CPEB4: variants seen among roughly 807,000 people sequenced by gnomAD.
CPEB4 encodes cytoplasmic polyadenylation element binding protein 4.
A neutral mutation model predicts 72.5 loss-of-function variants in CPEB4; 12 were observed. That is an observed-to-expected ratio of 0.17 (90% confidence interval 0.11 to 0.27). The LOEUF (loss-of-function observed/expected upper bound fraction) is 0.27. CPEB4 is among the 10% of genes least tolerant of loss of function. The pLI is 1.00. For missense variants in CPEB4, 614 were observed against 908.5 expected (o/e 0.68, Z 4.17); for synonymous variants, 302 against 326.3 (o/e 0.93, Z 0.80).
intron 3 of CPEB4, among the ~76,000 whole-genome samples, chr5:173,934,876 A>G (rs1054807243): frequency 3.3e-5 from 5 of 152,202 alleles, no homozygotes; most frequent in South Asian, 2.1e-4. Context: ...TGTTTGTGAA[A>G]TATCTTCTAG....
At position 173,956,687 on chromosome 5, in the gene CPEB4, C is replaced by T. The variant is rs1047895231; in HGVS notation, c.*550C>T. On this transcript the variant is annotated 3_prime_UTR_variant, in exon 10 of 10. Coordinates refer to ENST00000265085, the MANE Select transcript of CPEB4 (RefSeq NM_030627.4). ...TTTTAACAGCAATGGAGGAAGTTAA[C>T]AATTTTTAATGGAAAGAGCATGTTA... 2.6e-4 allele frequency: 37 copies of T among 143,544 alleles called. No individual in the cohort carries two copies. Among genetic ancestry groups the T allele is most frequent in the African/African-American group, 9.5e-4 (37 of 38,950 alleles). The allele number at this position is 143,544 out of a possible 1,614,324, so 8.9% of individuals were successfully genotyped here.
intron 3 of CPEB4, among the ~76,000 whole-genome samples, chr5:173,939,366 T>C (rs1234451865): frequency 6.6e-6 from 1 of 152,068 alleles, no homozygotes; most frequent in African/African-American, 2.4e-5. Flanking sequence ...CATACATACA[T>C]ACATACAAAT....
At chr5:173,919,537 T>C (rs996893412) in intron 2 of CPEB4, among the ~76,000 whole-genome samples, 1 of 152,210 alleles carries the variant, frequency 6.6e-6, no homozygotes. Flanking sequence ...TAAAATTCTA[T>C]AGAGGTGACT....
chr5:173,930,754 C>T (rs771846395), intron 2 of CPEB4, among the ~76,000 whole-genome samples: 11 of 151,772 alleles, frequency 7.2e-5, no homozygotes, highest in African/African-American at 1.9e-4. Flanking sequence ...TTTGGGAGGC[C>T]GAGACAGGTG....
intron 5 of CPEB4, among the ~76,000 whole-genome samples, chr5:173,946,543 A>T (rs1353717558): frequency 6.6e-6 from 1 of 152,188 alleles, no homozygotes; most frequent in East Asian, 1.9e-4. Flanking sequence ...GCATGGAGAA[A>T]ATGCAGATGG....
intron 9 of CPEB4, among the ~76,000 whole-genome samples, chr5:173,954,156 G>C (rs971861391): frequency 6.6e-6 from 1 of 152,110 alleles, no homozygotes; most frequent in African/African-American, 2.4e-5. Context: ...TGCTAAAATA[G>C]ATTGATTTTA....
chr5:173,932,736 C>T (rs1757491018), intron 3 of CPEB4, among the ~76,000 whole-genome samples: 2 of 152,158 alleles, frequency 1.3e-5, no homozygotes, highest in African/African-American at 2.4e-5. Flanking sequence ...GAATGAAAAT[C>T]CCATAATGAT....
At chr5:173,937,031 T>TTTTTTTTTTTTTTTA in intron 3 of CPEB4, among the ~76,000 whole-genome samples, 1 of 145,064 alleles carries the variant, frequency 6.9e-6, no homozygotes. Flanking sequence ...TTTTTTTTTT[T>TTTTTTTTTTTTTTTA]TTTTTTTTTT....
intron 1 of CPEB4, among the ~76,000 whole-genome samples, chr5:173,904,972 GATA>G (rs370259283): frequency 0.12 from 14,525 of 124,988 alleles, 1,328 homozygotes; most frequent in East Asian, 0.4. Flanking sequence ...CCCTGTCTCA[GATA>G]ATAATAATAA....
intron 2 of CPEB4, among the ~76,000 whole-genome samples, chr5:173,915,290 G>C (rs965250820): frequency 3.9e-5 from 6 of 151,960 alleles, no homozygotes; most frequent in Middle Eastern, 3.4e-3. Context: ...TTCATAATTC[G>C]TATTAGGTTT....
chr5:173,888,615 G>A lies in CPEB4; in HGVS notation c.-1119G>A, dbSNP rs1014482137. On this transcript the variant is annotated 5_prime_UTR_variant, in exon 1 of 10. Transcript: ENST00000265085. This position sits in a 1 kb window ranked among gnomAD's most constrained non-coding sequence, Gnocchi z 4.3. ...ATTATAGTTTAAAAAAAAATTCTGGGGGAAAAGAGAGAGAAAGCCGAGGGG... is the reference window on the plus strand; with the variant it reads ...ATTATAGTTTAAAAAAAAATTCTGGAGGAAAAGAGAGAGAAAGCCGAGGGG... 5.0e-5 allele frequency: 20 copies of A among 401,108 alleles called. No individual in the cohort carries two copies. Among genetic ancestry groups the A allele is most frequent in the Admixed American group, 4.8e-4 (11 of 22,736 alleles). 24.8% of individuals were successfully genotyped at this position (401,108 alleles called of 1,614,324 possible).
rs759323664 is a variant in CPEB4, at chr5:173,910,656, ATTAACTATTTAATC to A, written c.1207+54_1207+67del. 5 of 1,153,676 alleles carry A rather than the reference ATTAACTATTTAATC, an allele frequency of 4.3e-6. No homozygotes were observed. The Admixed American group carries it at 8.6e-5, about 20-fold the overall frequency. The allele number at this position is 1,153,676 out of a possible 1,614,324, so 71.5% of individuals were successfully genotyped here. On this transcript the variant is annotated intron_variant, in intron 2 of 9. Coordinates refer to ENST00000265085, the MANE Select transcript of CPEB4 (RefSeq NM_030627.4). ...TTTCAGACAATAGTTTTAAATGTGT[ATTAACTATTTAATC>A]TGATACACAGTATGGCAAATATTAT...
chr5:173,953,535 G>A (rs956100424), intron 9 of CPEB4: 16 of 396,682 alleles, frequency 4.0e-5, no homozygotes, highest in South Asian at 2.4e-4. Context: ...CAATCCATCC[G>A]TCCATTCATT....
At chr5:173,891,003 C>A in intron 1 of CPEB4, 145 bp downstream of exon 1, 1 of 811,864 alleles carries the variant, frequency 1.2e-6, no homozygotes, top group Non-Finnish European at 1.8e-6. Context: ...TTTATTTTAG[C>A]AGGAGTGTAA....
chr5:173,954,385 T>C (rs891499833), intron 9 of CPEB4, among the ~76,000 whole-genome samples: 1 of 152,152 alleles, frequency 6.6e-6, no homozygotes, highest in South Asian at 2.1e-4. Flanking sequence ...CCTACTTTGT[T>C]TGTTTGAGAT....
At position 173,957,535 on chromosome 5, in the gene CPEB4, C is replaced by T. The variant is rs900631817; in HGVS notation, c.*1398C>T. On this transcript the variant is annotated 3_prime_UTR_variant, in exon 10 of 10. Coordinates refer to ENST00000265085, the MANE Select transcript of CPEB4 (RefSeq NM_030627.4). ...TAAATAAAATTCTAGCTTTGAAAGGCGTTATGTGTTGAACAGTATGCTTCA... is the reference window on the plus strand; with the variant it reads ...TAAATAAAATTCTAGCTTTGAAAGGTGTTATGTGTTGAACAGTATGCTTCA... 6.5e-6 allele frequency: 1 copy of T among 152,690 alleles called. No homozygotes were observed. The highest frequency in any genetic ancestry group is 1.5e-5 in the Non-Finnish European group (1 of 68,006). The allele number at this position is 152,690 out of a possible 1,614,324, so 9.5% of individuals were successfully genotyped here.
At chr5:173,894,081 C>T (rs1483902057) in intron 1 of CPEB4, among the ~76,000 whole-genome samples, 1 of 152,130 alleles carries the variant, frequency 6.6e-6, no homozygotes, top group Admixed American at 6.5e-5. Context: ...CAGCCTTGAC[C>T]TCCCTGGGCT....
chr5:173,932,450 G>A lies in CPEB4; in HGVS notation c.1208G>A (p.Gly403Asp). 1 of 1,610,366 alleles carries A rather than the reference G, an allele frequency of 6.2e-7. No individual in the cohort carries two copies. Among genetic ancestry groups the A allele is most frequent in the Non-Finnish European group, 8.5e-7 (1 of 1,178,218 alleles). Residue 403 changes from glycine (G) to aspartate (D), a missense_variant and splice_region_variant, in exon 3 of 10, where the codon GGT (glycine) becomes GAT (aspartate). Gly to Asp is a moderately conservative substitution (Grantham distance 94). Transcript: ENST00000265085. ...IMRAENDTIK[G>D]RLNYSYPGSD... ...AGTAACGGCCTTCTTTTACCTTCAG[G>A]TCGTCTAAACTATTCATATCCAGGA...
At chr5:173,921,396 A>G (rs187073085) in intron 2 of CPEB4, among the ~76,000 whole-genome samples, 1 of 152,344 alleles carries the variant, frequency 6.6e-6, no homozygotes, top group East Asian at 1.9e-4. Flanking sequence ...GTTACAAAAA[A>G]GAACATAACA....
Sources: allele counts gnomAD v4.1 joint callset (sites outside exome capture counted in the v4.1 genomes callset), GRCh38; gene constraint gnomAD v4.1.1; non-coding constraint Gnocchi (gnomAD v3.1); transcripts MANE v1.5; gene names NCBI Gene and HGNC (gene_info 2026-07-23, HGNC 2026-07-21).